The following DYNAP variants were observed in gnomAD, a reference collection of about 807,000 sequenced individuals.
DYNAP encodes dynactin associated protein.
DYNAP carries 7 observed loss-of-function variants against 8.5 expected under a neutral mutation model. The ratio of observed to expected loss-of-function variants is 0.82; its 90% CI spans 0.47 to 1.54. The LOEUF (loss-of-function observed/expected upper bound fraction) is 1.54, where lower values mean the gene tolerates loss of function less well. DYNAP is among the 40% of genes most tolerant of loss of function. The pLI, the probability that DYNAP is intolerant of heterozygous loss-of-function variation, is 0.01. For synonymous variants in DYNAP, 77 were observed against 77.9 expected, an observed-to-expected ratio of 0.99 and a Z score of 0.06; for missense variants, 256 against 224.3, an observed-to-expected ratio of 1.14 and a Z score of -0.90.
chr18:54,584,307 TAATA>T (rs1262022968), upstream of DYNAP, among the ~76,000 whole-genome samples: 1 of 148,706 alleles, frequency 6.7e-6, no homozygotes, highest in Non-Finnish European at 1.5e-5. Context: ...TATAAATATT[TAATA>T]AATATGCCTA....
At chr18:54,577,963 CAAAA>C in the DYNAP span, among the ~76,000 whole-genome samples, 1 of 132,806 alleles carries the variant, frequency 7.5e-6, no homozygotes, top group South Asian at 2.5e-4. Flanking sequence ...GACTCAGCCT[CAAAA>C]AAAAAAAAAA....
upstream of DYNAP, among the ~76,000 whole-genome samples, chr18:54,584,577 T>A (rs917192486): frequency 6.6e-6 from 1 of 152,126 alleles, no homozygotes; most frequent in Non-Finnish European, 1.5e-5. Flanking sequence ...TTTTAAACCA[T>A]GTAAACTATA....
At chr18:54,588,814 A>C (rs567361390), upstream of DYNAP, among the ~76,000 whole-genome samples, 5 of 152,274 alleles carry the variant, frequency 3.3e-5, no homozygotes, top group South Asian at 4.1e-4. Context: ...AGAATGTTTC[A>C]GTTTTTATTC....
Position 54,598,120 on chromosome 18 carries a change from C to T in DYNAP, c.530C>T (p.Thr177Ile), listed in dbSNP as rs1383891420. Reference protein sequence around the residue: ...TAATTSTEPITVAPTDHL With the variant: ...TAATTSTEPIIVAPTDHL The stretch of plus-strand genomic sequence containing the variant: ...GCCACCACTTCCACAGAACCTATAA[C>T]TGTTGCACCTACCGATCATTTATAA... Residue 177 changes from threonine (T) to isoleucine (I), a missense_variant, in exon 3 of 3, where the codon ACT becomes ATT. Transcript: ENST00000648945. The T allele has an allele frequency of 6.2e-7, 1 of 1,611,196 alleles. No homozygotes were observed. Among genetic ancestry groups the T allele is most frequent in the South Asian group, 1.1e-5 (1 of 90,792 alleles).
chr18:54,591,854 T>C (rs1346037355), intron 1 of DYNAP, among the ~76,000 whole-genome samples: 1 of 152,144 alleles, frequency 6.6e-6, no homozygotes, highest in African/African-American at 2.4e-5. Context: ...AATATTTTTA[T>C]ACCAAAAACC....
At chr18:54,581,072 G>T in the DYNAP span, among the ~76,000 whole-genome samples, 1 of 152,136 alleles carries the variant, frequency 6.6e-6, no homozygotes, top group Admixed American at 6.5e-5. Context: ...TTACTGTTCA[G>T]AATATTTCAT....
the DYNAP span, among the ~76,000 whole-genome samples, chr18:54,577,079 A>G: frequency 6.6e-6 from 1 of 152,222 alleles, no homozygotes; most frequent in African/African-American, 2.4e-5. Flanking sequence ...AATTTTAAAA[A>G]GAAATTTCTA....
the DYNAP span, among the ~76,000 whole-genome samples, chr18:54,581,082 T>C: frequency 6.6e-6 from 1 of 152,244 alleles, no homozygotes; most frequent in Non-Finnish European, 1.5e-5. Flanking sequence ...GAATATTTCA[T>C]TTAGTATGAC....
rs1311310008 is a variant in DYNAP at position 54,599,119 on chromosome 18, A to G, written c.*974A>G. ...ATGTCTCATGTCTCCCTAAAAATAT[A>G]TAAAACCAAACTGTACCTTAGCCAC... is the stretch of plus-strand genomic sequence containing the variant. On this transcript the variant is annotated 3_prime_UTR_variant, in exon 3 of 3. Transcript: ENST00000648945. 1 of 152,152 alleles carries G rather than the reference A, an allele frequency of 6.6e-6. No individual in the cohort carries two copies. Among genetic ancestry groups the G allele is most frequent in the African/African-American group, 2.4e-5 (1 of 41,424 alleles). The allele number at this position is 152,152 out of a possible 1,614,324, so 9.4% of individuals were successfully genotyped here.
chr18:54,589,370 G>A (rs1280176390), upstream of DYNAP, among the ~76,000 whole-genome samples: 1 of 152,108 alleles, frequency 6.6e-6, no homozygotes, highest in African/African-American at 2.4e-5. Flanking sequence ...TATCCATGCT[G>A]TCTGTCATGC....
chr18:54,593,097 A>T (rs1372319824), intron 1 of DYNAP, among the ~76,000 whole-genome samples: 2 of 152,212 alleles, frequency 1.3e-5, no homozygotes, highest in Non-Finnish European at 2.9e-5. Flanking sequence ...TTTGATAAAC[A>T]TGGGACTGAT....
At chr18:54,591,478 G>T (rs1350477918) in intron 1 of DYNAP, 139 bp downstream of exon 1, 14 of 975,682 alleles carry the variant, frequency 1.4e-5, no homozygotes, top group East Asian at 2.8e-5. Flanking sequence ...GAGCAACCCT[G>T]TATCAATTTT....
the DYNAP span, among the ~76,000 whole-genome samples, chr18:54,578,224 G>A: frequency 2.0e-5 from 3 of 152,124 alleles, no homozygotes; most frequent in Non-Finnish European, 2.9e-5. Context: ...GATGTCTATG[G>A]GATGATAGCA....
chr18:54,590,810 C>T (rs1366167927), upstream of DYNAP, among the ~76,000 whole-genome samples: 1 of 152,148 alleles, frequency 6.6e-6, no homozygotes, highest in Non-Finnish European at 1.5e-5. Context: ...CTTCCAGACA[C>T]CAACCCAGGG....
chr18:54,581,447 C>T, the DYNAP span, among the ~76,000 whole-genome samples: 6 of 152,322 alleles, frequency 3.9e-5, no homozygotes, highest in African/African-American at 9.6e-5. Context: ...GCCTACTGTA[C>T]TATAACCAGC....
intron 2 of DYNAP, among the ~76,000 whole-genome samples, chr18:54,596,921 G>A (rs1911317245): frequency 6.6e-6 from 1 of 151,926 alleles, no homozygotes; most frequent in African/African-American, 2.4e-5. Flanking sequence ...TGCTGTCTTT[G>A]TGTCATCAGG....
chr18:54,577,557 G>A, the DYNAP span, among the ~76,000 whole-genome samples: 1 of 139,260 alleles, frequency 7.2e-6, no homozygotes, highest in Non-Finnish European at 1.5e-5. Flanking sequence ...CTCCAGCCTG[G>A]ACAGTGTAAG....
chr18:54,586,094 C>T (rs1869049), upstream of DYNAP, among the ~76,000 whole-genome samples: 72,153 of 151,928 alleles, frequency 0.47, 18,215 homozygotes, highest in East Asian at 0.69. Context: ...CTATTTGCCC[C>T]ATCTTTTAAA....
In DYNAP at chr18:54,595,091, C is replaced by T. The variant is rs746400125; in HGVS notation, c.210C>T (p.Ser70=). 1.2e-6 allele frequency: 2 copies of T among 1,611,518 alleles called. No individual in the cohort carries two copies. Among genetic ancestry groups the T allele is most frequent in the African/African-American group, 2.7e-5 (2 of 74,932 alleles). Residue 70 remains serine (S), a synonymous_variant, in exon 2 of 3, where the codon TCC becomes TCT. Transcript: ENST00000648945. ...LAHSRCLQSE[S]CNTQVKEYCR... The stretch of plus-strand genomic sequence containing the variant: ...ATTCAAGATGTCTACAGTCAGAATC[C>T]TGTAACACACAGGTAATGTGTAGCA...
Sources: allele counts gnomAD v4.1 joint callset (sites outside exome capture counted in the v4.1 genomes callset), GRCh38; gene constraint gnomAD v4.1.1; transcripts MANE v1.5; gene names NCBI Gene and HGNC (gene_info 2026-07-23, HGNC 2026-07-21).